NOVA1: variants seen among roughly 807,000 people sequenced by gnomAD.
NOVA1 encodes RNA-binding protein Nova-1.
In NOVA1, 7 loss-of-function variants were observed where a neutral mutation model predicts 38.0. The observed-to-expected ratio is 0.18, with a 90% confidence interval of 0.10 to 0.35. The LOEUF (loss-of-function observed/expected upper bound fraction) is 0.35. Among genes scored for constraint, NOVA1 ranks in the 10% least tolerant of loss-of-function variants. NOVA1 has a pLI of 1.00. For missense variants in NOVA1, 460 were observed against 616.0 expected (o/e 0.75, Z 2.68); for synonymous variants, 270 against 232.5 (o/e 1.16, Z -1.47).
chr14:26,575,117 C>G (rs1002566960), intron 2 of NOVA1, among the ~76,000 whole-genome samples: 3 of 152,170 alleles, frequency 2.0e-5, no homozygotes, highest in Non-Finnish European at 4.4e-5. Flanking sequence ...CAGATTTAGA[C>G]AGTCCTTTTA....
intron 2 of NOVA1, among the ~76,000 whole-genome samples, chr14:26,569,074 C>G (rs1013596167): frequency 6.6e-6 from 1 of 152,154 alleles, no homozygotes; most frequent in African/African-American, 2.4e-5. Context: ...AAAATTCCCT[C>G]AGGTAAATTG....
chr14:26,449,499 G>C (rs1471382480), intron 4 of NOVA1, among the ~76,000 whole-genome samples: 2 of 152,144 alleles, frequency 1.3e-5, no homozygotes, highest in South Asian at 4.1e-4. Context: ...TGTTATTAAA[G>C]ATAGCTTACT....
chr14:26,562,979 A>C (rs1891917097), intron 2 of NOVA1, among the ~76,000 whole-genome samples: 1 of 152,136 alleles, frequency 6.6e-6, no homozygotes, highest in South Asian at 2.1e-4. Flanking sequence ...CTGAAAATCC[A>C]GTAGTGAAAG....
chr14:26,533,388 T>G (rs1889858070), intron 2 of NOVA1, among the ~76,000 whole-genome samples: 1 of 152,166 alleles, frequency 6.6e-6, no homozygotes, highest in African/African-American at 2.4e-5. Flanking sequence ...CCTATTGCCA[T>G]CAGAATAATC....
intron 4 of NOVA1, among the ~76,000 whole-genome samples, chr14:26,465,729 T>A (rs1290363222): frequency 6.6e-6 from 1 of 152,212 alleles, no homozygotes; most frequent in African/African-American, 2.4e-5. Context: ...TATAGACTTG[T>A]AAGCCTATTC....
At chr14:26,553,079 A>G (rs1050800563) in intron 2 of NOVA1, among the ~76,000 whole-genome samples, 3 of 152,230 alleles carry the variant, frequency 2.0e-5, no homozygotes, top group African/African-American at 7.2e-5. Flanking sequence ...TAAAAGGGTT[A>G]CAACAGCAGC....
chr14:26,447,873 A>C lies in NOVA1; in HGVS notation c.*86T>G, dbSNP rs562164185. 9 of 990,796 alleles carry C rather than the reference A, an allele frequency of 9.1e-6. No homozygotes were observed. The South Asian group carries it at 1.2e-4, about 14-fold the overall frequency. 61.4% of individuals were successfully genotyped at this position (990,796 alleles called of 1,614,324 possible). A position where few individuals can be genotyped will look rare whatever the true frequency, so the allele number is the denominator to read the frequency against. On this transcript the variant is annotated 3_prime_UTR_variant, in exon 5 of 5. Transcript: ENST00000539517. The stretch of plus-strand genomic sequence containing the variant: ...CATAATTATATATTAATAACAGAAA[A>C]ACTTCACTTCTGCAAAGTACAGTAC...
intron 2 of NOVA1, among the ~76,000 whole-genome samples, chr14:26,533,706 A>C (rs917857790): frequency 3.3e-5 from 5 of 152,196 alleles, no homozygotes; most frequent in Admixed American, 6.5e-5. Flanking sequence ...CTCTACCCTA[A>C]GAAAATTAAC....
intron 4 of NOVA1, among the ~76,000 whole-genome samples, chr14:26,460,801 T>C (rs1026096815): frequency 6.6e-6 from 1 of 152,182 alleles, no homozygotes; most frequent in Non-Finnish European, 1.5e-5. Context: ...TGTGAAGACA[T>C]TCATGTATCT....
intron 2 of NOVA1, among the ~76,000 whole-genome samples, chr14:26,572,105 ATGTT>A (rs1320918934): frequency 3.3e-5 from 5 of 152,192 alleles, no homozygotes; most frequent in African/African-American, 9.6e-5. Flanking sequence ...AATGAATGGG[ATGTT>A]ATGAAATACA....
intron 2 of NOVA1, among the ~76,000 whole-genome samples, chr14:26,489,568 A>T (rs1450973021): frequency 1.3e-5 from 2 of 151,934 alleles, no homozygotes; most frequent in Non-Finnish European, 2.9e-5. Flanking sequence ...ATGCTAAGAT[A>T]ATAGAAAAAT....
intron 4 of NOVA1, among the ~76,000 whole-genome samples, chr14:26,453,655 C>G (rs1413085856): frequency 6.6e-6 from 1 of 152,020 alleles, no homozygotes; most frequent in East Asian, 1.9e-4. Context: ...TTTACTCTTT[C>G]AACAAATAAG....
chr14:26,591,265 C>G (rs949305394), intron 2 of NOVA1, among the ~76,000 whole-genome samples: 1 of 151,412 alleles, frequency 6.6e-6, no homozygotes, highest in African/African-American at 2.4e-5. Flanking sequence ...TAAAAGTAAC[C>G]CTAACAATAG....
At chr14:26,491,472 C>T (rs911053807) in intron 2 of NOVA1, among the ~76,000 whole-genome samples, 6 of 152,034 alleles carry the variant, frequency 3.9e-5, no homozygotes, top group Non-Finnish European at 7.4e-5. Flanking sequence ...TTGATGAAGT[C>T]CAATTTATTT....
chr14:26,530,336 T>C (rs537863696), intron 2 of NOVA1, among the ~76,000 whole-genome samples: 2 of 152,296 alleles, frequency 1.3e-5, no homozygotes, highest in East Asian at 1.9e-4. Flanking sequence ...TTAAATAATA[T>C]ACAGCAGTAA....
At chr14:26,572,979 A>G (rs114638212) in intron 2 of NOVA1, among the ~76,000 whole-genome samples, 1,575 of 152,260 alleles carry the variant, frequency 0.01, 27 homozygotes, top group African/African-American at 0.036. Flanking sequence ...AACAGTTTTG[A>G]GCTGAACATA....
At chr14:26,504,329 A>G (rs61986471) in intron 2 of NOVA1, among the ~76,000 whole-genome samples, 34,630 of 152,100 alleles carry the variant, frequency 0.23, 4,436 homozygotes, top group East Asian at 0.33. Flanking sequence ...ACCACTTTGT[A>G]TTTTCAATAT....
rs1882042352 is a variant in NOVA1 at position 26,446,082 on chromosome 14, C to T, written c.*1877G>A. ...TTCATTTAAACAAGCATATCATTCC[C>T]TTTTAAAATCATTCTCTAAATAAAT... On this transcript the variant is annotated 3_prime_UTR_variant, in exon 5 of 5. Coordinates refer to ENST00000539517, the MANE Select transcript of NOVA1 (RefSeq NM_002515.3). 2 of 152,218 alleles carry T rather than the reference C, an allele frequency of 1.3e-5. No homozygotes were observed. The highest frequency in any genetic ancestry group is 2.9e-5 in the Non-Finnish European group (2 of 67,980). 9.4% of individuals were successfully genotyped at this position (152,218 alleles called of 1,614,324 possible).
chr14:26,450,390 C>A (rs1882563870), intron 4 of NOVA1, among the ~76,000 whole-genome samples: 1 of 151,872 alleles, frequency 6.6e-6, no homozygotes, highest in South Asian at 2.1e-4. Context: ...AATACACACA[C>A]ACACACACAC....
Sources: gnomAD v4.1 joint callset for allele counts (sites outside exome capture counted in the v4.1 genomes callset) on GRCh38, gnomAD v4.1.1 for gene constraint, MANE v1.5 for transcripts, NCBI Gene and HGNC (gene_info 2026-07-23, HGNC 2026-07-21) for gene names.